The following MCM10 variants were observed in gnomAD, a reference collection of about 807,000 sequenced individuals.
MCM10 encodes the protein protein MCM10 homolog.
Under a neutral mutation model 109.9 loss-of-function variants are expected in MCM10, and 91 were observed. The observed-to-expected ratio is 0.83, with a 90% CI of 0.70 to 0.99. MCM10 has a LOEUF of 0.99. Ranked by LOEUF, MCM10 falls within the 50% of genes least tolerant of loss-of-function variation. MCM10 has a pLI of 0.00. For synonymous variants in MCM10, 380 were observed against 387.2 expected (o/e 0.98, Z 0.22); for missense variants, 1,077 against 1,061.2 (o/e 1.01, Z -0.21).
rs1041865777 is a variant in MCM10, at chr10:13,197,277, C to T, written c.1975-346C>T. Among the ~76,000 whole-genome samples, 8 of 152,186 alleles carry T rather than the reference C, an allele frequency of 5.3e-5. No homozygotes were observed. In the South Asian group the frequency reaches 1.0e-3, roughly 20 times the overall value. On this transcript the variant is annotated intron_variant, in intron 14 of 19. Transcript: ENST00000378714. ...ATTTTCCTTGGGTTACAAGCTAGTCCGTGGCAGAGCTGGCTGGAACTTTAT... is the reference window on the plus strand; with the variant it reads ...ATTTTCCTTGGGTTACAAGCTAGTCTGTGGCAGAGCTGGCTGGAACTTTAT...
At chr10:13,196,151 C>T (rs998840898) in intron 14 of MCM10, among the ~76,000 whole-genome samples, 1 of 152,140 alleles carries the variant, frequency 6.6e-6, no homozygotes, top group Non-Finnish European at 1.5e-5. Context: ...TCAAGCAGTC[C>T]CACCTCAGCC....
At chr10:13,194,819 T>C (rs1338247116) in intron 13 of MCM10, among the ~76,000 whole-genome samples, 1 of 152,158 alleles carries the variant, frequency 6.6e-6, no homozygotes, top group Non-Finnish European at 1.5e-5. Context: ...GTTAGGACAA[T>C]TACAGCTTAT....
intron 16 of MCM10, among the ~76,000 whole-genome samples, chr10:13,199,085 A>C (rs1834462487): frequency 6.6e-6 from 1 of 152,164 alleles, no homozygotes; most frequent in Non-Finnish European, 1.5e-5. Flanking sequence ...TAGTAGGGAC[A>C]GAGTTTCACC....
chr10:13,197,149 C>T (rs1834432275), intron 14 of MCM10, among the ~76,000 whole-genome samples: 1 of 152,056 alleles, frequency 6.6e-6, no homozygotes, highest in African/African-American at 2.4e-5. Flanking sequence ...TTTTAAACTC[C>T]CGAGCTCAAG....
At chr10:13,162,220 G>A (rs1833935971) in intron 1 of MCM10, among the ~76,000 whole-genome samples, 1 of 152,206 alleles carries the variant, frequency 6.6e-6, no homozygotes, top group Non-Finnish European at 1.5e-5. Context: ...CGTTATGGGT[G>A]TCGGGGTGGG....
intron 6 of MCM10, among the ~76,000 whole-genome samples, chr10:13,177,842 C>T: frequency 9.7e-6 from 1 of 102,586 alleles, no homozygotes; most frequent in Non-Finnish European, 2.1e-5. Flanking sequence ...AGAGCAAGAC[C>T]CTATCTCAAA....
chr10:13,175,389 C>T, intron 5 of MCM10, 121 bp from the exon 6 acceptor site: 1 of 766,934 alleles, frequency 1.3e-6, no homozygotes, highest in Non-Finnish European at 2.2e-6. Context: ...CCATTGCACT[C>T]CTGCCTGGGT....
At chr10:13,203,216 CCAG>C (rs1476557144) in intron 17 of MCM10, among the ~76,000 whole-genome samples, 1 of 152,096 alleles carries the variant, frequency 6.6e-6, no homozygotes, top group Non-Finnish European at 1.5e-5. Context: ...GTAGCCAGGG[CCAG>C]GTTTCCTGCA....
chr10:13,191,328 T>C lies in MCM10; in HGVS notation c.1445T>C (p.Ile482Thr). 6.2e-7 allele frequency: 1 copy of C among 1,614,086 alleles called. No homozygotes were observed. Among genetic ancestry groups the C allele is most frequent in the Non-Finnish European group, 8.5e-7 (1 of 1,179,972 alleles). ...IAAAVAPKKK[I>T]QTTLSNLVVK... ...GCAGCTGTGGCTCCTAAGAAGAAGA[T>C]TCAAACCACTCTGAGTAATCTGGTT... Residue 482 changes from isoleucine to threonine, a missense_variant, in exon 11 of 20, where the codon ATT becomes ACT. By Grantham distance (89) the Ile-to-Thr change is moderately conservative. Transcript: ENST00000378714.
intron 13 of MCM10, among the ~76,000 whole-genome samples, chr10:13,193,125 C>G (rs1012486296): frequency 1.3e-5 from 2 of 151,982 alleles, no homozygotes; most frequent in African/African-American, 4.8e-5. Flanking sequence ...GGACGCAAGC[C>G]TGGATTTGCC....
Position 13,197,740 on chromosome 10 carries a change from GA to G in MCM10, c.2099del (p.Asn700ThrfsTer35), listed in dbSNP as rs772561920. 6.2e-7 allele frequency: 1 copy of G among 1,611,502 alleles called. No individual in the cohort carries two copies. On this transcript the variant is annotated frameshift_variant, in exon 15 of 20. Coordinates refer to ENST00000378714, the MANE Select transcript of MCM10 (RefSeq NM_018518.5). LOFTEE classifies it high-confidence loss of function. ...QDILEVKERV[E>X]KNTMFSSQAE... ...CATCCTGGAGGTGAAGGAACGTGTAGAAAAAAACACCATGTTTTCTTCTCAA... is the reference window on the plus strand; with the variant it reads ...CATCCTGGAGGTGAAGGAACGTGTAGAAAAAACACCATGTTTTCTTCTCAA...
intron 9 of MCM10, among the ~76,000 whole-genome samples, chr10:13,188,368 G>A (rs1024418869): frequency 6.6e-6 from 1 of 152,100 alleles, no homozygotes; most frequent in African/African-American, 2.4e-5. Flanking sequence ...ATATAATTCA[G>A]TGATATTTAG....
intron 14 of MCM10, 46 bp downstream of exon 14, chr10:13,195,315 G>C: frequency 6.9e-7 from 1 of 1,443,700 alleles, no homozygotes; most frequent in Non-Finnish European, 9.5e-7. Flanking sequence ...GCATTCTGTA[G>C]AGCAGAGCTG....
At position 13,171,181 on chromosome 10, in the gene MCM10, A is replaced by G; in HGVS notation, c.267A>G (p.Glu89=). The G allele has an allele frequency of 6.2e-7, 1 of 1,614,178 alleles. No homozygotes were observed. Among genetic ancestry groups the G allele is most frequent in the Non-Finnish European group, 8.5e-7 (1 of 1,180,022 alleles). Residue 89 remains glutamate, a synonymous_variant, in exon 3 of 20, where the codon GAA becomes GAG. Coordinates refer to ENST00000378714, the MANE Select transcript of MCM10 (RefSeq NM_018518.5). ...TGGAGGACTTAACAGATGAAGAAGA[A>G]GTTCCCGCATCACAGTCAACTGAAA... ...GDMEDLTDEE[E]VPASQSTENR...
At chr10:13,164,785 G>A (rs1296643083) in intron 2 of MCM10, among the ~76,000 whole-genome samples, 1 of 152,174 alleles carries the variant, frequency 6.6e-6, no homozygotes, top group Non-Finnish European at 1.5e-5. Flanking sequence ...TGGGCTGGAC[G>A]CAGTGGCTCA....
chr10:13,206,367 A>C (rs911042299), intron 18 of MCM10, among the ~76,000 whole-genome samples: 1 of 152,082 alleles, frequency 6.6e-6, no homozygotes, highest in Non-Finnish European at 1.5e-5. Flanking sequence ...ATGAGTTCTT[A>C]TTCTTGTCAA....
chr10:13,175,697 A>ATC lies in MCM10; in HGVS notation c.764+18_764+19dup. 6.4e-7 allele frequency: 1 copy of ATC among 1,565,294 alleles called. No homozygotes were observed. Among genetic ancestry groups the ATC allele is most frequent in the Non-Finnish European group, 8.7e-7 (1 of 1,151,040 alleles). On this transcript the variant is annotated intron_variant, in intron 6 of 19. Coordinates refer to ENST00000378714, the MANE Select transcript of MCM10 (RefSeq NM_018518.5). ...TGCGGCTCAGGTCAGTAGCTAAACC[A>ATC]TCTATTCATGTGCGCCACGGCATAG... is the stretch of plus-strand genomic sequence containing the variant.
intron 14 of MCM10, chr10:13,195,618 A>G (rs1025768951): frequency 4.8e-5 from 5 of 104,006 alleles, no homozygotes; most frequent in African/African-American, 1.5e-4. Context: ...TTATTTATTT[A>G]TTTATTTTTT....
At chr10:13,203,686 C>G (rs77944484) in intron 17 of MCM10, among the ~76,000 whole-genome samples, 1 of 152,156 alleles carries the variant, frequency 6.6e-6, no homozygotes, top group African/African-American at 2.4e-5. Flanking sequence ...TCATTCTCCT[C>G]GGTCCTTCTG....
Sources: gnomAD v4.1 joint callset for allele counts (sites outside exome capture counted in the v4.1 genomes callset) on GRCh38, gnomAD v4.1.1 for gene constraint, MANE v1.5 for transcripts, NCBI Gene and HGNC (gene_info 2026-07-23, HGNC 2026-07-21) for gene names.